The following AFG1L variants were observed in gnomAD, a reference collection of about 807,000 sequenced individuals.
The protein encoded by AFG1L is AFG1 like ATPase.
Under a neutral mutation model 62.2 loss-of-function variants are expected in AFG1L, and 53 were observed. That is an observed-to-expected ratio of 0.85 (90% CI 0.68 to 1.07). The LOEUF (loss-of-function observed/expected upper bound fraction) is 1.07, where lower values mean the gene tolerates loss of function less well. Among genes scored for constraint, AFG1L ranks in the 50% least tolerant of loss-of-function variants. The pLI is 0.00. For synonymous variants in AFG1L, 228 were observed against 210.3 expected (o/e 1.08, Z -0.73); for missense variants, 555 against 590.5 (o/e 0.94, Z 0.62).
intron 10 of AFG1L, among the ~76,000 whole-genome samples, chr6:108,485,656 A>ATTTTTTTTT (rs397842829): frequency 4.0e-5 from 1 of 25,032 alleles, no homozygotes; most frequent in Non-Finnish European, 5.7e-5. Context: ...ATATATATAT[A>ATTTTTTTTT]TTTTTTTTTT....
intron 10 of AFG1L, among the ~76,000 whole-genome samples, chr6:108,485,187 GA>G (rs1773490766): frequency 6.6e-6 from 1 of 152,202 alleles, no homozygotes; most frequent in Non-Finnish European, 1.5e-5. Context: ...CAGCTTCTTA[GA>G]TGATGCCACT....
At chr6:108,382,449 A>G (rs191250689) in intron 6 of AFG1L, among the ~76,000 whole-genome samples, 7 of 152,318 alleles carry the variant, frequency 4.6e-5, no homozygotes, top group African/African-American at 1.7e-4. Context: ...ATCACTAGAA[A>G]GTTGGCTAAC....
chr6:108,358,270 C>T (rs994525146), intron 5 of AFG1L, among the ~76,000 whole-genome samples: 1 of 152,236 alleles, frequency 6.6e-6, no homozygotes. Flanking sequence ...ACTGAACTGG[C>T]ATAGTTACAA....
At chr6:108,503,012 A>G (rs1432260745) in intron 10 of AFG1L, among the ~76,000 whole-genome samples, 2 of 152,188 alleles carry the variant, frequency 1.3e-5, no homozygotes, top group Non-Finnish European at 2.9e-5. Context: ...TTTGATCATG[A>G]GATTGCAGCA....
intron 6 of AFG1L, among the ~76,000 whole-genome samples, chr6:108,372,337 T>C (rs1214140341): frequency 6.6e-6 from 1 of 151,206 alleles, no homozygotes; most frequent in Non-Finnish European, 1.5e-5. Context: ...TTGTTCTTTT[T>C]TTTTTTTTTT....
chr6:108,525,711 CAG>C lies in AFG1L; in HGVS notation c.*3288_*3289del, dbSNP rs1775294963. ...TTTTATAGACAGGGAAGCTGAGACA[CAG>C]AAAACAGCTAAAACAGATTAATGAA... On this transcript the variant is annotated 3_prime_UTR_variant, in exon 13 of 13. Coordinates refer to ENST00000368977, the MANE Select transcript of AFG1L (RefSeq NM_145315.5). 6.6e-6 allele frequency: 1 copy of C among 152,170 alleles called. No homozygotes were observed. The highest frequency in any genetic ancestry group is 1.5e-5 in the Non-Finnish European group (1 of 68,040). 9.4% of individuals were successfully genotyped at this position (152,170 alleles called of 1,614,324 possible).
chr6:108,454,928 C>T (rs1470154349), intron 8 of AFG1L, among the ~76,000 whole-genome samples: 3 of 152,066 alleles, frequency 2.0e-5, no homozygotes, highest in Non-Finnish European at 4.4e-5. Context: ...AGTGAGCCAC[C>T]GTGCCTGACC....
chr6:108,323,738 A>G (rs1401713693), intron 1 of AFG1L, 87 bp from the exon 2 acceptor site: 11 of 888,298 alleles, frequency 1.2e-5, no homozygotes, highest in Non-Finnish European at 1.8e-5. Flanking sequence ...TAACTAGTTA[A>G]AAGTTTGAAT....
At chr6:108,425,712 T>A (rs1167845697) in intron 7 of AFG1L, among the ~76,000 whole-genome samples, 1 of 152,190 alleles carries the variant, frequency 6.6e-6, no homozygotes, top group African/African-American at 2.4e-5. Context: ...TTGCATACCT[T>A]ATTGTCTTTA....
At chr6:108,370,397 G>C (rs1250880100) in intron 6 of AFG1L, among the ~76,000 whole-genome samples, 1 of 152,036 alleles carries the variant, frequency 6.6e-6, no homozygotes, top group Non-Finnish European at 1.5e-5. Flanking sequence ...GTATAAGGCA[G>C]TGATTTTCAG....
chr6:108,315,075 C>T (rs941056961), intron 1 of AFG1L, among the ~76,000 whole-genome samples: 5 of 152,020 alleles, frequency 3.3e-5, no homozygotes, highest in South Asian at 2.1e-4. Context: ...GATCACCGCC[C>T]GCCTCAAGTG....
chr6:108,419,288 G>A (rs544781754), intron 7 of AFG1L, among the ~76,000 whole-genome samples: 50 of 152,192 alleles, frequency 3.3e-4, no homozygotes, highest in African/African-American at 1.1e-3. Context: ...CAGTAATTTA[G>A]CACTTTGATT....
intron 11 of AFG1L, among the ~76,000 whole-genome samples, chr6:108,516,302 C>T (rs1009809540): frequency 6.6e-6 from 1 of 152,180 alleles, no homozygotes; most frequent in African/African-American, 2.4e-5. Flanking sequence ...GCTTATCCAC[C>T]ATGATCAAGT....
At chr6:108,310,496 A>G (rs767017294) in intron 1 of AFG1L, among the ~76,000 whole-genome samples, 3 of 151,326 alleles carry the variant, frequency 2.0e-5, no homozygotes, top group African/African-American at 7.3e-5. Context: ...AGTTCTTTAT[A>G]TATTCTGGAT....
chr6:108,456,500 T>G (rs1772257559), intron 8 of AFG1L, among the ~76,000 whole-genome samples: 1 of 152,114 alleles, frequency 6.6e-6, no homozygotes, highest in Non-Finnish European at 1.5e-5. Flanking sequence ...AGAAAAAAAT[T>G]ATTGAGATAC....
At position 108,424,510 on chromosome 6, in the gene AFG1L, A is replaced by G. The variant is rs184236467; in HGVS notation, c.807+22456A>G. On this transcript the variant is annotated intron_variant, in intron 7 of 12. Transcript: ENST00000368977. ...GAAGGGCTTAGTCATTGGGGTTACAATGATAAATGTGTTACTGAGTTGAAT... is the reference window on the plus strand; with the variant it reads ...GAAGGGCTTAGTCATTGGGGTTACAGTGATAAATGTGTTACTGAGTTGAAT... 2.6e-4 allele frequency among the ~76,000 whole-genome samples: 40 copies of G among 152,178 alleles called. No individual in the cohort carries two copies. The East Asian group carries it at 7.7e-3, about 29-fold the overall frequency.
chr6:108,362,091 A>C (rs977949802), intron 5 of AFG1L, among the ~76,000 whole-genome samples: 1 of 151,956 alleles, frequency 6.6e-6, no homozygotes, highest in Non-Finnish European at 1.5e-5. Flanking sequence ...ATTAAGTCCC[A>C]CTCCCCTTAC....
chr6:108,445,672 G>GAGAGAGAGAA (rs1771749600), intron 7 of AFG1L, among the ~76,000 whole-genome samples: 2 of 124,478 alleles, frequency 1.6e-5, no homozygotes, highest in Non-Finnish European at 3.4e-5. Context: ...GAGAGAGAGA[G>GAGAGAGAGAA]AGAGAGAGAA....
chr6:108,348,323 T>G (rs1008106928), intron 3 of AFG1L, among the ~76,000 whole-genome samples: 10 of 152,152 alleles, frequency 6.6e-5, no homozygotes, highest in Non-Finnish European at 1.5e-5. Flanking sequence ...CGTGATCCGC[T>G]CTCCTCGGCC....
Sources: allele counts gnomAD v4.1 joint callset (sites outside exome capture counted in the v4.1 genomes callset), GRCh38; gene constraint gnomAD v4.1.1; transcripts MANE v1.5; gene names NCBI Gene and HGNC (gene_info 2026-07-23, HGNC 2026-07-21).